The following EHBP1 variants were observed in gnomAD, a reference collection of about 807,000 sequenced individuals.
EHBP1 encodes the protein EH domain binding protein 1, also known as EH domain-binding protein 1.
EHBP1 carries 55 observed loss-of-function variants against 144.0 expected under a neutral mutation model. That is an observed-to-expected ratio of 0.38 (90% CI 0.31 to 0.48). The LOEUF (loss-of-function observed/expected upper bound fraction) is 0.48, where lower values mean the gene tolerates loss of function less well. Ranked by LOEUF, EHBP1 falls within the 20% of genes least tolerant of loss-of-function variation. EHBP1 has a pLI of 0.98. For synonymous variants in EHBP1, 469 were observed against 472.7 expected, an observed-to-expected ratio of 0.99 and a Z score of 0.10; for missense variants, 1,200 against 1,364.2, an observed-to-expected ratio of 0.88 and a Z score of 1.90.
At chr2:62,694,450 AG>A (rs1188284046) in intron 1 of EHBP1, among the ~76,000 whole-genome samples, 4 of 151,994 alleles carry the variant, frequency 2.6e-5, no homozygotes, top group Admixed American at 2.6e-4. Flanking sequence ...TTAGTTGATC[AG>A]AAAAATTAAG....
rs1188280445 is a variant in EHBP1, at chr2:62,919,917, G to A, written c.1186-22801G>A. 2.6e-5 allele frequency among the ~76,000 whole-genome samples: 4 copies of A among 152,074 alleles called. No homozygotes were observed. In the East Asian group the frequency reaches 7.7e-4, roughly 29 times the overall value. ...GGGATTCAAAGGCATATTTGAGCAG[G>A]CAGAAGAGAGAATCATAGGACAATA... On this transcript the variant is annotated intron_variant, in intron 10 of 22. Coordinates refer to ENST00000431489, the MANE Select transcript of EHBP1 (RefSeq NM_001142616.3).
intron 5 of EHBP1, among the ~76,000 whole-genome samples, chr2:62,776,799 A>G (rs972075335): frequency 6.6e-6 from 1 of 152,188 alleles, no homozygotes; most frequent in African/African-American, 2.4e-5. Flanking sequence ...ATTTTTATCT[A>G]CTGTAATAGA....
chr2:62,819,972 A>G (rs1423857033), intron 5 of EHBP1, among the ~76,000 whole-genome samples: 1 of 151,746 alleles, frequency 6.6e-6, no homozygotes, highest in African/African-American at 2.4e-5. Context: ...GCACTTTGGG[A>G]GGCCGAAGCG....
intron 5 of EHBP1, among the ~76,000 whole-genome samples, chr2:62,819,216 A>G (rs906369057): frequency 1.3e-5 from 2 of 152,214 alleles, no homozygotes; most frequent in African/African-American, 4.8e-5. Context: ...GGAAAAATCT[A>G]TTAATTTACC....
rs112705634 is a variant in EHBP1, at chr2:62,677,057, C to T, written c.-296+2974C>T. The stretch of plus-strand genomic sequence containing the variant: ...ACATTCTCGCAGTCCCAGATACTCG[C>T]AGTGGTCGGGGAGGGACAGGTAGAG... On this transcript the variant is annotated intron_variant, in intron 1 of 22. Transcript: ENST00000405015. 7.2e-5 allele frequency among the ~76,000 whole-genome samples: 11 copies of T among 152,162 alleles called. No homozygotes were observed. In the South Asian group the frequency reaches 8.3e-4, roughly 11 times the overall value.
chr2:62,753,988 C>T (rs1307322866), intron 3 of EHBP1, among the ~76,000 whole-genome samples: 1 of 152,208 alleles, frequency 6.6e-6, no homozygotes, highest in Non-Finnish European at 1.5e-5. Context: ...CTTCTTCTCT[C>T]AACTTGTCAA....
Position 62,942,908 on chromosome 2 carries a change from C to A in EHBP1, c.1364+12C>A, listed in dbSNP as rs1490500892. 1 of 1,549,436 alleles carries A rather than the reference C, an allele frequency of 6.5e-7. No homozygotes were observed. The stretch of plus-strand genomic sequence containing the variant: ...AGACCAGATTTAATGTAAGTAGAAA[C>A]ATTTTCCATTCCCTATATTTTGTAA... On this transcript the variant is annotated intron_variant, in intron 11 of 22. Coordinates refer to ENST00000431489, the MANE Select transcript of EHBP1 (RefSeq NM_001142616.3).
intron 10 of EHBP1, among the ~76,000 whole-genome samples, chr2:62,878,250 C>A (rs1323525034): frequency 6.6e-6 from 1 of 152,002 alleles, no homozygotes; most frequent in Admixed American, 6.5e-5. Context: ...ACACAACCTC[C>A]CAAGACTGAA....
At position 62,943,901 on chromosome 2, in the gene EHBP1, G is replaced by C. The variant is rs1203256128; in HGVS notation, c.1413+51G>C. The C allele has an allele frequency of 4.3e-6, 6 of 1,392,174 alleles. No individual in the cohort carries two copies. In the African/African-American group the frequency reaches 7.2e-5, roughly 17 times the overall value. The allele number at this position is 1,392,174 out of a possible 1,614,324, so 86.2% of individuals were successfully genotyped here. On this transcript the variant is annotated intron_variant, in intron 12 of 22. Transcript: ENST00000431489. ...ACGTAGTTTCAATTTTGGCTTCTCT[G>C]CAGGTCTTTATTAATTTGGAGAAAG...
In EHBP1 at chr2:62,692,605, G is replaced by C. The variant is rs142861504; in HGVS notation, c.-295-14292G>C. Among the ~76,000 whole-genome samples the C allele has an allele frequency of 5.7e-4, 87 of 152,198 alleles. 1 individual carries two copies. The highest frequency in any genetic ancestry group is 1.9e-3 in the African/African-American group (78 of 41,532). ...TAAAGTAGTATCTTACTGTGGTTTGGATTCCCATTTCTCTGATGGCAAATT... is the reference window on the plus strand; with the variant it reads ...TAAAGTAGTATCTTACTGTGGTTTGCATTCCCATTTCTCTGATGGCAAATT... On this transcript the variant is annotated intron_variant, in intron 1 of 22. Transcript: ENST00000405015.
Position 62,999,556 on chromosome 2 carries a change from A to G in EHBP1, c.3103+2790A>G, listed in dbSNP as rs370388102. ...TCTATGAATTTGCTTTATTGCAGTT[A>G]TTTCCTGTAAGTGGAATCAAACGAT... On this transcript the variant is annotated intron_variant, in intron 19 of 22. Transcript: ENST00000431489. Among the ~76,000 whole-genome samples the G allele has an allele frequency of 5.3e-4, 81 of 152,198 alleles. 1 individual carries two copies. Among genetic ancestry groups the G allele is most frequent in the African/African-American group, 1.7e-3 (72 of 41,540 alleles).
intron 7 of EHBP1, among the ~76,000 whole-genome samples, chr2:62,838,293 G>A (rs2047470846): frequency 6.6e-6 from 1 of 152,102 alleles, no homozygotes; most frequent in East Asian, 1.9e-4. Context: ...TGAAACTAAC[G>A]AGAACAAAGA....
At chr2:62,949,573 AAAC>A (rs1289936771) in intron 13 of EHBP1, among the ~76,000 whole-genome samples, 1 of 152,240 alleles carries the variant, frequency 6.6e-6, no homozygotes, top group Non-Finnish European at 1.5e-5. Context: ...TTACTTATAA[AAAC>A]AATATTCTAC....
intron 5 of EHBP1, among the ~76,000 whole-genome samples, chr2:62,796,005 C>G (rs775751196): frequency 6.6e-6 from 1 of 151,446 alleles, no homozygotes; most frequent in South Asian, 2.1e-4. Flanking sequence ...CCCTTCTGCC[C>G]CTTCTGCTTG....
chr2:62,928,777 C>A (rs1463306933), intron 10 of EHBP1, among the ~76,000 whole-genome samples: 2 of 149,792 alleles, frequency 1.3e-5, no homozygotes, highest in African/African-American at 2.5e-5. Context: ...ATTAATGAAC[C>A]CAGATGTTGA....
At chr2:63,012,826 T>C (rs1177901688) in intron 19 of EHBP1, among the ~76,000 whole-genome samples, 2 of 152,160 alleles carry the variant, frequency 1.3e-5, no homozygotes, top group African/African-American at 2.4e-5. Flanking sequence ...TCATTCAAGA[T>C]ACAAGGGCAA....
At chr2:62,792,273 A>G (rs900347032) in intron 5 of EHBP1, among the ~76,000 whole-genome samples, 5 of 151,938 alleles carry the variant, frequency 3.3e-5, no homozygotes, top group African/African-American at 1.2e-4. Flanking sequence ...ATAACATGAG[A>G]TCTCCCCCTC....
In EHBP1 at chr2:62,989,526, G is replaced by T. The variant is rs1337645291; in HGVS notation, c.2609-1190G>T. Among the ~76,000 whole-genome samples the T allele has an allele frequency of 4.6e-5, 7 of 152,120 alleles. No homozygotes were observed. In the South Asian group the frequency reaches 1.5e-3, roughly 32 times the overall value. ...GATGGGTTAATTTTAATCCTAACAGGCTTGACTCTTGTCATTTTTAAAAAC... is the reference window on the plus strand; with the variant it reads ...GATGGGTTAATTTTAATCCTAACAGTCTTGACTCTTGTCATTTTTAAAAAC... On this transcript the variant is annotated intron_variant, in intron 15 of 22. Transcript: ENST00000431489.
chr2:62,898,026 C>T (rs190521772), intron 10 of EHBP1, among the ~76,000 whole-genome samples: 1 of 152,088 alleles, frequency 6.6e-6, no homozygotes, highest in African/African-American at 2.4e-5. Flanking sequence ...AGCATGAGGA[C>T]CAGAATACTA....
Sources: allele counts gnomAD v4.1 joint callset (sites outside exome capture counted in the v4.1 genomes callset), GRCh38; gene constraint gnomAD v4.1.1; transcripts MANE v1.5; gene names NCBI Gene and HGNC (gene_info 2026-07-23, HGNC 2026-07-21).